Variants in ARB2A observed in about 807,000 individuals in gnomAD.
ARB2A encodes the protein cotranscriptional regulator ARB2A.
chr5:93,816,461 T>C, the ARB2A span, among the ~76,000 whole-genome samples: 9 of 152,140 alleles, frequency 5.9e-5, no homozygotes, highest in African/African-American at 1.9e-4. Flanking sequence ...TTCCTTTGAG[T>C]TCCCCTTAAC....
At chr5:93,852,814 T>G in the ARB2A span, among the ~76,000 whole-genome samples, 1 of 152,054 alleles carries the variant, frequency 6.6e-6, no homozygotes, top group African/African-American at 2.4e-5. Flanking sequence ...ATTGATCTAG[T>G]TCTCTGTTTT....
chr5:94,105,495 T>C, the ARB2A span, among the ~76,000 whole-genome samples: 1 of 151,906 alleles, frequency 6.6e-6, no homozygotes, highest in Admixed American at 6.6e-5. Flanking sequence ...ACAACACAAA[T>C]GGAAAGATAT....
At chr5:94,050,445 G>A in the ARB2A span, among the ~76,000 whole-genome samples, 1 of 151,912 alleles carries the variant, frequency 6.6e-6, no homozygotes, top group African/African-American at 2.4e-5. Flanking sequence ...AGTGGAGACA[G>A]GGTTTCACCA....
At chr5:93,838,462 A>C in the ARB2A span, among the ~76,000 whole-genome samples, 1 of 151,974 alleles carries the variant, frequency 6.6e-6, no homozygotes, top group Non-Finnish European at 1.5e-5. Flanking sequence ...TTTGCTTATG[A>C]GTGCCTTGGC....
the ARB2A span, among the ~76,000 whole-genome samples, chr5:93,999,498 GTTTC>G: frequency 6.6e-6 from 1 of 151,900 alleles, no homozygotes; most frequent in African/African-American, 2.4e-5. Context: ...CCCAGAAAAT[GTTTC>G]TTTTTTTAAG....
At chr5:94,076,931 A>G in the ARB2A span, among the ~76,000 whole-genome samples, 1 of 152,138 alleles carries the variant, frequency 6.6e-6, no homozygotes, top group Non-Finnish European at 1.5e-5. Context: ...AATTATAAAT[A>G]TGTATTCAGT....
the ARB2A span, among the ~76,000 whole-genome samples, chr5:94,043,190 G>A: frequency 6.6e-6 from 1 of 152,072 alleles, no homozygotes; most frequent in Non-Finnish European, 1.5e-5. Context: ...GACCTGAAGT[G>A]TTCCTGAATA....
chr5:93,777,700 C>T, the ARB2A span, among the ~76,000 whole-genome samples: 3 of 152,162 alleles, frequency 2.0e-5, no homozygotes, highest in South Asian at 6.2e-4. Context: ...TGGTTGTGCA[C>T]CATGGAATCC....
the ARB2A span, among the ~76,000 whole-genome samples, chr5:93,694,559 A>T: frequency 6.6e-6 from 1 of 152,230 alleles, no homozygotes; most frequent in Admixed American, 6.5e-5. Flanking sequence ...AAATGGAAAA[A>T]CATTTCATGC....
At chr5:93,859,036 C>A in the ARB2A span, among the ~76,000 whole-genome samples, 1 of 152,040 alleles carries the variant, frequency 6.6e-6, no homozygotes, top group East Asian at 1.9e-4. Flanking sequence ...ATAAGAATAG[C>A]ACTGGCACAT....
chr5:93,853,446 T>A, the ARB2A span, among the ~76,000 whole-genome samples: 2 of 152,208 alleles, frequency 1.3e-5, no homozygotes, highest in Non-Finnish European at 2.9e-5. Flanking sequence ...GAATACCCTT[T>A]ATTTCCTTCT....
chr5:93,714,510 A>G, the ARB2A span, among the ~76,000 whole-genome samples: 11 of 152,216 alleles, frequency 7.2e-5, no homozygotes, highest in Non-Finnish European at 1.3e-4. Context: ...GCATAATCAC[A>G]TATTCACATT....
chr5:93,855,962 A>G, the ARB2A span, among the ~76,000 whole-genome samples: 22 of 152,040 alleles, frequency 1.4e-4, no homozygotes, highest in Admixed American at 1.3e-3. Flanking sequence ...AAAGCTGGAC[A>G]GAGAATGACT....
At chr5:93,799,499 G>A in the ARB2A span, among the ~76,000 whole-genome samples, 1 of 152,054 alleles carries the variant, frequency 6.6e-6, no homozygotes, top group African/African-American at 2.4e-5. Flanking sequence ...CAGCACAGTG[G>A]TGTGATGTTC....
At chr5:93,946,342 G>A in the ARB2A span, among the ~76,000 whole-genome samples, 1 of 152,102 alleles carries the variant, frequency 6.6e-6, no homozygotes, top group African/African-American at 2.4e-5. Flanking sequence ...GAGTACTCCA[G>A]AGGAAGAACA....
the ARB2A span, among the ~76,000 whole-genome samples, chr5:93,835,332 T>C: frequency 6.6e-6 from 1 of 152,248 alleles, no homozygotes; most frequent in Non-Finnish European, 1.5e-5. Flanking sequence ...TTAGCTCCTG[T>C]AATGCATTTC....
At chr5:93,718,679 C>G in the ARB2A span, among the ~76,000 whole-genome samples, 2 of 152,122 alleles carry the variant, frequency 1.3e-5, no homozygotes, top group African/African-American at 4.8e-5. Flanking sequence ...TGAAAAATGT[C>G]TAATTGTAAC....
chr5:93,635,304 C>A, the ARB2A span, among the ~76,000 whole-genome samples: 1 of 152,110 alleles, frequency 6.6e-6, no homozygotes, highest in Non-Finnish European at 1.5e-5. Context: ...ACTAGTTAAG[C>A]ATTGAGATAG....
chr5:93,885,990 A>C, the ARB2A span, among the ~76,000 whole-genome samples: 3 of 151,760 alleles, frequency 2.0e-5, no homozygotes, highest in Non-Finnish European at 2.9e-5. Flanking sequence ...CAAAGAACCA[A>C]AAAGGAAAAC....
Sources: allele counts gnomAD v4.1 joint callset (sites outside exome capture counted in the v4.1 genomes callset), GRCh38; gene constraint gnomAD v4.1.1; transcripts MANE v1.5; gene names NCBI Gene and HGNC (gene_info 2026-07-23, HGNC 2026-07-21).